The following NRG3 variants were observed in gnomAD, a reference collection of about 807,000 sequenced individuals.
NRG3 encodes the protein neuregulin 3, also known as pro-neuregulin-3, membrane-bound isoform.
Under a neutral mutation model 66.9 loss-of-function variants are expected in NRG3, and 31 were observed. The ratio of observed to expected loss-of-function variants is 0.46; its 90% CI spans 0.35 to 0.63. The LOEUF is 0.63. Among genes scored for constraint, NRG3 ranks in the 20% least tolerant of loss-of-function variants. The probability of loss-of-function intolerance (pLI) is 0.00; values close to 1 mark genes in which losing one functional copy is unlikely to be tolerated. For missense variants in NRG3, 910 were observed against 878.9 expected, an observed-to-expected ratio of 1.04 and a Z score of -0.45; for synonymous variants, 393 against 359.4, an observed-to-expected ratio of 1.09 and a Z score of -1.06.
chr10:82,411,554 T>G (rs1409737367), intron 2 of NRG3, among the ~76,000 whole-genome samples: 2 of 152,264 alleles, frequency 1.3e-5, no homozygotes, highest in East Asian at 3.9e-4. Flanking sequence ...CCTCCACTCC[T>G]TAGTTGTTCT....
intron 1 of NRG3, among the ~76,000 whole-genome samples, chr10:82,076,348 C>G (rs917480480): frequency 2.0e-5 from 3 of 152,194 alleles, no homozygotes; most frequent in Non-Finnish European, 4.4e-5. Context: ...TTATATCTAC[C>G]TTTACCAAGT....
chr10:82,012,926 A>C (rs1050705470), intron 1 of NRG3, among the ~76,000 whole-genome samples: 2 of 152,196 alleles, frequency 1.3e-5, no homozygotes, highest in Non-Finnish European at 2.9e-5. Context: ...AAACCTTCCC[A>C]CATTTTTCTG....
At chr10:82,115,572 C>T (rs2067659228) in intron 1 of NRG3, among the ~76,000 whole-genome samples, 1 of 152,046 alleles carries the variant, frequency 6.6e-6, no homozygotes, top group East Asian at 1.9e-4. Flanking sequence ...TTACTTATAT[C>T]AGGGTATCTG....
intron 2 of NRG3, among the ~76,000 whole-genome samples, chr10:82,707,948 G>C (rs993189400): frequency 3.0e-4 from 45 of 151,184 alleles, no homozygotes; most frequent in Admixed American, 5.9e-4. Context: ...CTTGAACCTA[G>C]GAGGCAGAGG....
chr10:82,372,215 T>C (rs1319930237), intron 2 of NRG3, among the ~76,000 whole-genome samples: 1 of 152,218 alleles, frequency 6.6e-6, no homozygotes, highest in Non-Finnish European at 1.5e-5. Flanking sequence ...AAGTTTCTCT[T>C]TAAATCCAAG....
chr10:81,974,229 C>T (rs777903770), intron 1 of NRG3, among the ~76,000 whole-genome samples: 4 of 152,012 alleles, frequency 2.6e-5, no homozygotes, highest in Non-Finnish European at 5.9e-5. Context: ...GGTATGCAGT[C>T]TTATTTCTGG....
chr10:82,639,951 G>C (rs1210128620), intron 2 of NRG3, among the ~76,000 whole-genome samples: 1 of 152,084 alleles, frequency 6.6e-6, no homozygotes, highest in African/African-American at 2.4e-5. Context: ...GCCCCAGTGT[G>C]TGTTGTTCCC....
At chr10:82,178,477 A>G (rs1589227470) in intron 1 of NRG3, among the ~76,000 whole-genome samples, 2 of 152,168 alleles carry the variant, frequency 1.3e-5, no homozygotes, top group Non-Finnish European at 2.9e-5. Context: ...ATCGAGCAGT[A>G]TTTGCCCTTC....
intron 3 of NRG3, among the ~76,000 whole-genome samples, chr10:82,864,720 C>T (rs72821811): frequency 0.018 from 2,694 of 152,228 alleles, 35 homozygotes; most frequent in Non-Finnish European, 0.029. Flanking sequence ...TCTATATGCA[C>T]GTAGAACAGA....
chr10:82,725,427 AG>A (rs377376314), intron 2 of NRG3, among the ~76,000 whole-genome samples: 259 of 152,314 alleles, frequency 1.7e-3, no homozygotes, highest in African/African-American at 6.1e-3. Flanking sequence ...ACACTGTGTG[AG>A]CTCACTATAT....
At chr10:82,261,367 C>A (rs1228248358) in intron 1 of NRG3, among the ~76,000 whole-genome samples, 3 of 152,162 alleles carry the variant, frequency 2.0e-5, no homozygotes, top group Non-Finnish European at 2.9e-5. Flanking sequence ...GCCTCCCCAG[C>A]CATGTGGAAC....
rs1048491193 is a variant in NRG3, at chr10:82,263,237, GA to G, written c.824-95497del. Among the ~76,000 whole-genome samples the G allele has an allele frequency of 1.3e-4, 20 of 152,144 alleles. No individual in the cohort carries two copies. The South Asian group carries it at 3.7e-3, about 28-fold the overall frequency. Reference sequence around the variant, plus strand: ...TGGATGGCTGAGGGAAGAAAATAAAGAAAAACGGATACAAGATAGAGATGAT... The same window carrying G: ...TGGATGGCTGAGGGAAGAAAATAAAGAAAACGGATACAAGATAGAGATGAT... On this transcript the variant is annotated intron_variant, in intron 1 of 8. Coordinates refer to ENST00000372141, the MANE Select transcript of NRG3 (RefSeq NM_001010848.4).
chr10:82,005,032 T>C (rs1053390946), intron 1 of NRG3, among the ~76,000 whole-genome samples: 2 of 152,200 alleles, frequency 1.3e-5, no homozygotes, highest in African/African-American at 2.4e-5. Context: ...CAGCCTGAGG[T>C]GTGGAGGACC....
intron 5 of NRG3, among the ~76,000 whole-genome samples, chr10:82,957,238 G>A (rs1407287638): frequency 6.6e-6 from 1 of 151,918 alleles, no homozygotes; most frequent in Non-Finnish European, 1.5e-5. Context: ...CATTTACAGA[G>A]GAGGAAATGG....
chr10:82,060,771 G>T (rs1420687600), intron 1 of NRG3, among the ~76,000 whole-genome samples: 1 of 152,166 alleles, frequency 6.6e-6, no homozygotes, highest in African/African-American at 2.4e-5. Context: ...TGACCTACCT[G>T]TGGCCAGTAG....
intron 3 of NRG3, among the ~76,000 whole-genome samples, chr10:82,810,080 C>A (rs2061430377): frequency 1.3e-5 from 2 of 151,976 alleles, no homozygotes; most frequent in African/African-American, 2.4e-5. Context: ...ATTCCTTTGG[C>A]AATTATGTGT....
At chr10:82,438,198 A>G (rs560424199) in intron 2 of NRG3, among the ~76,000 whole-genome samples, 1 of 152,308 alleles carries the variant, frequency 6.6e-6, no homozygotes, top group Admixed American at 6.5e-5. Context: ...TCCTCCCTTT[A>G]GGGGCTCAGG....
chr10:81,985,678 T>A (rs1221546738), intron 1 of NRG3, among the ~76,000 whole-genome samples: 1 of 152,180 alleles, frequency 6.6e-6, no homozygotes, highest in African/African-American at 2.4e-5. Context: ...GTGTTGTGAG[T>A]AACGCAGATA....
intron 2 of NRG3, among the ~76,000 whole-genome samples, chr10:82,604,516 G>A (rs1382080649): frequency 6.6e-6 from 1 of 152,092 alleles, no homozygotes; most frequent in Non-Finnish European, 1.5e-5. Context: ...CAGGTTTTGT[G>A]TAGACAATTT....
Sources: gnomAD v4.1 joint callset for allele counts (sites outside exome capture counted in the v4.1 genomes callset) on GRCh38, gnomAD v4.1.1 for gene constraint, MANE v1.5 for transcripts, NCBI Gene and HGNC (gene_info 2026-07-23, HGNC 2026-07-21) for gene names.